Variants in COPS8 observed in about 807,000 individuals in gnomAD.
The protein encoded by COPS8 is COP9 signalosome complex subunit 8.
Under a neutral mutation model 31.5 loss-of-function variants are expected in COPS8, and 11 were observed. That is an observed-to-expected ratio of 0.35 (90% confidence interval 0.22 to 0.58). The LOEUF (loss-of-function observed/expected upper bound fraction) is 0.58. Ranked by LOEUF, COPS8 falls within the 20% of genes least tolerant of loss-of-function variation. The pLI, the probability that COPS8 is intolerant of heterozygous loss-of-function variation, is 0.83. For synonymous variants in COPS8, 81 were observed against 89.3 expected, an observed-to-expected ratio of 0.91 and a Z score of 0.52; for missense variants, 215 against 255.1, an observed-to-expected ratio of 0.84 and a Z score of 1.07.
Position 237,088,670 on chromosome 2 carries a change from C to A in COPS8, c.198+17C>A. The A allele has an allele frequency of 6.6e-7, 1 of 1,520,678 alleles. No individual in the cohort carries two copies. Among genetic ancestry groups the A allele is most frequent in the Non-Finnish European group, 9.0e-7 (1 of 1,106,322 alleles). 94.2% of individuals were successfully genotyped at this position (1,520,678 alleles called of 1,614,324 possible). ...ATAAAATCTGTAAGTATCCTTTAAA[C>A]CTATTTTACTGCTTTAATGTAATGA... is the stretch of plus-strand genomic sequence containing the variant. On this transcript the variant is annotated intron_variant, in intron 3 of 7. Transcript: ENST00000354371.
chr2:237,088,444 A>G (rs1696655702), intron 2 of COPS8, among the ~76,000 whole-genome samples, 161 bp from the exon 3 acceptor site: 1 of 152,220 alleles, frequency 6.6e-6, no homozygotes, highest in South Asian at 2.1e-4. Flanking sequence ...CTGGAAAACC[A>G]CTATTGTTTC....
chr2:237,091,036 G>A (rs903972959), intron 4 of COPS8, among the ~76,000 whole-genome samples: 3 of 152,204 alleles, frequency 2.0e-5, no homozygotes, highest in African/African-American at 7.2e-5. Flanking sequence ...TGATTGTGGT[G>A]GGGCGGTCAC....
chr2:237,090,250 T>G (rs1696682908), intron 4 of COPS8, among the ~76,000 whole-genome samples: 2 of 152,204 alleles, frequency 1.3e-5, no homozygotes, highest in Admixed American at 1.3e-4. Flanking sequence ...GAGTTTTTTT[T>G]GCTATTAAAA....
intron 5 of COPS8, 63 bp downstream of exon 5, chr2:237,094,260 C>A (rs1696755927): frequency 2.1e-6 from 3 of 1,457,806 alleles, no homozygotes; most frequent in Non-Finnish European, 2.9e-6. Context: ...ATTGTAGGTT[C>A]ACAGTCTCCT....
chr2:237,097,277 G>A (rs577743411), intron 7 of COPS8, among the ~76,000 whole-genome samples: 11 of 126,906 alleles, frequency 8.7e-5, no homozygotes, highest in East Asian at 4.8e-4. Context: ...CTTCAGTGAT[G>A]TCTGGGGCAT....
chr2:237,094,479 T>G (rs565095197), intron 5 of COPS8, among the ~76,000 whole-genome samples: 32 of 152,172 alleles, frequency 2.1e-4, no homozygotes, highest in Non-Finnish European at 4.3e-4. Flanking sequence ...AAATCCTTAT[T>G]TCACCCTTAT....
intron 5 of COPS8, 47 bp downstream of exon 5, chr2:237,094,244 G>T (rs1315479217): frequency 1.9e-6 from 3 of 1,548,676 alleles, no homozygotes; most frequent in Non-Finnish European, 2.7e-6. Context: ...GAAAATAGAA[G>T]TGTGAATTGT....
chr2:237,087,491 C>T (rs574687273), intron 2 of COPS8: 1 of 395,334 alleles, frequency 2.5e-6, no homozygotes, highest in South Asian at 2.5e-5. Context: ...ATTTACTTAA[C>T]TTCATATATA....
chr2:237,086,493 G>T (rs1452013392), intron 1 of COPS8, among the ~76,000 whole-genome samples: 2 of 151,902 alleles, frequency 1.3e-5, no homozygotes, highest in African/African-American at 4.8e-5. Context: ...TCGTAATGTT[G>T]TCAAGTTAGC....
chr2:237,088,211 A>G (rs1696653121), intron 2 of COPS8, among the ~76,000 whole-genome samples: 1 of 152,152 alleles, frequency 6.6e-6, no homozygotes, highest in African/African-American at 2.4e-5. Context: ...TGTAATCGGG[A>G]GAGAAGTGTT....
At chr2:237,087,023 A>T (rs1696629251) in intron 1 of COPS8, 104 bp from the exon 2 acceptor site, 1 of 724,694 alleles carries the variant, frequency 1.4e-6, no homozygotes, top group South Asian at 2.2e-5. Flanking sequence ...TTACTTTTAA[A>T]ATTAGCATTT....
intron 5 of COPS8, 113 bp downstream of exon 5, chr2:237,094,310 C>A (rs1696756642): frequency 1.9e-6 from 2 of 1,042,350 alleles, no homozygotes; most frequent in Admixed American, 2.6e-5. Flanking sequence ...GGAGTCCAGG[C>A]TGTGTTTTTT....
chr2:237,096,762 A>G (rs376549023), intron 6 of COPS8, 60 bp from the exon 7 acceptor site: 301 of 1,323,858 alleles, frequency 2.3e-4, no homozygotes, highest in Non-Finnish European at 2.9e-4. Context: ...AGCATGTTCT[A>G]TGAAAGATCT....
intron 4 of COPS8, among the ~76,000 whole-genome samples, chr2:237,092,767 G>A (rs1467661074): frequency 6.6e-6 from 1 of 152,158 alleles, no homozygotes; most frequent in Non-Finnish European, 1.5e-5. Flanking sequence ...AGGATGTCGG[G>A]CTCAGATGAG....
rs904693272 is a variant in COPS8 at position 237,097,857 on chromosome 2, C to A, written c.*115C>A. ...GGCTTAAGCACCTCAGCATTCCTTA[C>A]TATGTGATAAAATACATATAGAATA... On this transcript the variant is annotated 3_prime_UTR_variant, in exon 8 of 8. Transcript: ENST00000354371. 4.5e-6 allele frequency: 3 copies of A among 670,704 alleles called. No homozygotes were observed. In the Admixed American group the frequency reaches 8.2e-5, roughly 18 times the overall value. The allele number at this position is 670,704 out of a possible 1,614,324, so 41.5% of individuals were successfully genotyped here.
intron 4 of COPS8, chr2:237,093,617 A>C: frequency 1.2e-6 from 1 of 842,538 alleles, no homozygotes; most frequent in Non-Finnish European, 1.4e-6. Flanking sequence ...TTTGATGCAG[A>C]CTTGGAAGAA....
Position 237,097,595 on chromosome 2 carries a change from G to A in COPS8, c.551-68G>A, listed in dbSNP as rs555921582. The A allele has an allele frequency of 7.0e-5, 75 of 1,071,484 alleles. No homozygotes were observed. In the African/African-American group the frequency reaches 9.6e-4, roughly 14 times the overall value. The allele number at this position is 1,071,484 out of a possible 1,614,324, so 66.4% of individuals were successfully genotyped here. A position where few individuals can be genotyped will look rare whatever the true frequency, so the allele number is the denominator to read the frequency against. Reference sequence around the variant, plus strand: ...AAAATTGAAGGCATTAGGGGAGGTAGGTGTTGGGGCCAAAGCTTTGTTACT... The same window carrying A: ...AAAATTGAAGGCATTAGGGGAGGTAAGTGTTGGGGCCAAAGCTTTGTTACT... On this transcript the variant is annotated intron_variant, in intron 7 of 7. Transcript: ENST00000354371.
rs1696873316 is a variant in COPS8 at position 237,100,410 on chromosome 2, G to A, written c.*2668G>A. The stretch of plus-strand genomic sequence containing the variant: ...CAGGATGCCCACACAAACCTGATTG[G>A]GCAGCCCATCAGCAGTTGTGAACAT... On this transcript the variant is annotated 3_prime_UTR_variant, in exon 8 of 8. Coordinates refer to ENST00000354371, the MANE Select transcript of COPS8 (RefSeq NM_006710.5). 6.6e-6 allele frequency: 1 copy of A among 152,032 alleles called. No homozygotes were observed. Among genetic ancestry groups the A allele is most frequent in the South Asian group, 2.1e-4 (1 of 4,806 alleles). 9.4% of individuals were successfully genotyped at this position (152,032 alleles called of 1,614,324 possible). A position where few individuals can be genotyped will look rare whatever the true frequency, so the allele number is the denominator to read the frequency against.
chr2:237,087,962 A>AAG (rs1241339327), intron 2 of COPS8, among the ~76,000 whole-genome samples: 1 of 152,058 alleles, frequency 6.6e-6, no homozygotes, highest in African/African-American at 2.4e-5. Flanking sequence ...CAAAAAAAAA[A>AAG]AAAAAAAGTC....
Sources: gnomAD v4.1 joint callset for allele counts (sites outside exome capture counted in the v4.1 genomes callset) on GRCh38, gnomAD v4.1.1 for gene constraint, MANE v1.5 for transcripts, NCBI Gene and HGNC (gene_info 2026-07-23, HGNC 2026-07-21) for gene names.